MAGI2: variants seen among roughly 807,000 people sequenced by gnomAD.
MAGI2 encodes the protein membrane-associated guanylate kinase, WW and PDZ domain-containing protein 2.
A neutral mutation model predicts 133.3 loss-of-function variants in MAGI2; 35 were observed. The observed-to-expected ratio is 0.26, with a 90% CI of 0.20 to 0.35. MAGI2 has a LOEUF of 0.35. Among genes scored for constraint, MAGI2 ranks in the 10% least tolerant of loss-of-function variants. MAGI2 has a pLI of 1.00. For missense variants in MAGI2, 1,636 were observed against 1,863.4 expected, an observed-to-expected ratio of 0.88 and a Z score of 2.25; for synonymous variants, 729 against 710.6, an observed-to-expected ratio of 1.03 and a Z score of -0.41.
At chr7:78,055,124 C>G (rs1377757625) in intron 21 of MAGI2, among the ~76,000 whole-genome samples, 1 of 152,066 alleles carries the variant, frequency 6.6e-6, no homozygotes, top group Non-Finnish European at 1.5e-5. Flanking sequence ...CATTTTCTAT[C>G]CAGTGTTAAA....
At chr7:79,036,301 G>A (rs1343642577) in intron 1 of MAGI2, among the ~76,000 whole-genome samples, 1 of 152,188 alleles carries the variant, frequency 6.6e-6, no homozygotes, top group Non-Finnish European at 1.5e-5. Context: ...TAATTGACTT[G>A]AGGATTATCA....
intron 1 of MAGI2, among the ~76,000 whole-genome samples, chr7:79,063,407 A>C (rs10953759): frequency 2.0e-5 from 3 of 152,032 alleles, no homozygotes; most frequent in African/African-American, 7.2e-5. Flanking sequence ...AAAGGATTAC[A>C]TTACAAAGTG....
At chr7:78,501,100 C>T (rs754480868) in intron 5 of MAGI2, among the ~76,000 whole-genome samples, 4 of 152,134 alleles carry the variant, frequency 2.6e-5, no homozygotes, top group Non-Finnish European at 5.9e-5. Context: ...AGACAACCAA[C>T]CAACCAAACA....
chr7:79,333,498 A>G (rs1391960288), intron 1 of MAGI2, among the ~76,000 whole-genome samples: 1 of 152,198 alleles, frequency 6.6e-6, no homozygotes, highest in Non-Finnish European at 1.5e-5. Context: ...CCTCTTATCT[A>G]TAAGCCTACC....
chr7:78,494,255 C>T (rs1448758169), intron 5 of MAGI2, among the ~76,000 whole-genome samples: 2 of 152,034 alleles, frequency 1.3e-5, no homozygotes, highest in African/African-American at 2.4e-5. Context: ...CCGTGCCTGG[C>T]CCTGAATCAC....
At chr7:78,972,489 A>G (rs1412253611) in intron 2 of MAGI2, among the ~76,000 whole-genome samples, 1 of 151,846 alleles carries the variant, frequency 6.6e-6, no homozygotes, top group African/African-American at 2.4e-5. Flanking sequence ...AGATTTTGTT[A>G]TCAACAACAT....
At chr7:78,891,104 A>G (rs1364278894) in intron 2 of MAGI2, among the ~76,000 whole-genome samples, 10 of 152,206 alleles carry the variant, frequency 6.6e-5, no homozygotes, top group Non-Finnish European at 1.3e-4. Context: ...AAACACCTCT[A>G]TGCAAATAGA....
chr7:78,621,222 C>T (rs558374926), intron 3 of MAGI2: 1 of 151,864 alleles, frequency 6.6e-6, no homozygotes, highest in African/African-American at 2.4e-5. Context: ...CTGCAGGTGA[C>T]CTTAAATCCA....
intron 2 of MAGI2, among the ~76,000 whole-genome samples, chr7:78,701,546 C>T (rs1818076087): frequency 6.6e-6 from 1 of 151,892 alleles, no homozygotes; most frequent in African/African-American, 2.4e-5. Context: ...TGTAGGAACA[C>T]TAAGTTCACA....
intron 2 of MAGI2, among the ~76,000 whole-genome samples, chr7:78,970,223 C>G (rs984478708): frequency 1.3e-5 from 2 of 152,060 alleles, no homozygotes; most frequent in Non-Finnish European, 2.9e-5. Context: ...TTATAAATCA[C>G]TAATGAATAT....
At chr7:78,942,981 T>C (rs943546596) in intron 2 of MAGI2, among the ~76,000 whole-genome samples, 1 of 152,028 alleles carries the variant, frequency 6.6e-6, no homozygotes, top group African/African-American at 2.4e-5. Context: ...TGCCATTTCC[T>C]CAATATTATC....
chr7:78,232,006 G>A (rs1790028278), intron 10 of MAGI2, among the ~76,000 whole-genome samples: 1 of 151,838 alleles, frequency 6.6e-6, no homozygotes, highest in African/African-American at 2.4e-5. Flanking sequence ...TTTGGGGGAG[G>A]GTGGGATGGC....
At chr7:78,088,460 G>A (rs191590811) in intron 20 of MAGI2, among the ~76,000 whole-genome samples, 15 of 152,244 alleles carry the variant, frequency 9.9e-5, no homozygotes, top group South Asian at 4.2e-4. Context: ...CGGGGACATT[G>A]GTTAGCTGGG....
intron 4 of MAGI2, among the ~76,000 whole-genome samples, chr7:78,517,507 T>G (rs1406672074): frequency 6.6e-6 from 1 of 152,160 alleles, no homozygotes; most frequent in Non-Finnish European, 1.5e-5. Flanking sequence ...TAAGCAAAAT[T>G]TCAGTATCTC....
At chr7:79,418,994 A>G (rs1156290565) in intron 1 of MAGI2, among the ~76,000 whole-genome samples, 1 of 152,040 alleles carries the variant, frequency 6.6e-6, no homozygotes, top group Non-Finnish European at 1.5e-5. Context: ...CCCCAATGCC[A>G]TTCCTAGACA....
At chr7:78,956,286 T>C (rs1028022529) in intron 2 of MAGI2, among the ~76,000 whole-genome samples, 3 of 152,310 alleles carry the variant, frequency 2.0e-5, no homozygotes, top group Admixed American at 6.5e-5. Context: ...TGTTAATAAA[T>C]GCAGATTTTA....
At chr7:78,924,071 T>C (rs1391225613) in intron 2 of MAGI2, among the ~76,000 whole-genome samples, 27 of 152,278 alleles carry the variant, frequency 1.8e-4, no homozygotes, top group African/African-American at 5.8e-4. Flanking sequence ...CTGAAGTTGC[T>C]TATCAGCTTA....
At chr7:78,579,477 A>AC (rs1802619306) in intron 3 of MAGI2, among the ~76,000 whole-genome samples, 1 of 152,034 alleles carries the variant, frequency 6.6e-6, no homozygotes, top group African/African-American at 2.4e-5. Context: ...AAGGTATCCC[A>AC]CCTCCCCTTC....
chr7:78,534,784 G>C (rs1204776891), intron 3 of MAGI2, among the ~76,000 whole-genome samples: 1 of 152,120 alleles, frequency 6.6e-6, no homozygotes, highest in East Asian at 1.9e-4. Flanking sequence ...GGAGCAAGTA[G>C]AGTCAGTGAA....
Sources: allele counts gnomAD v4.1 joint callset (sites outside exome capture counted in the v4.1 genomes callset), GRCh38; gene constraint gnomAD v4.1.1; transcripts MANE v1.5; gene names NCBI Gene and HGNC (gene_info 2026-07-23, HGNC 2026-07-21).